Variants in FANCB observed in about 807,000 individuals in gnomAD.
The protein encoded by FANCB is FA complementation group B.
A neutral mutation model predicts 38.9 loss-of-function variants in FANCB; 5 were observed. The observed-to-expected ratio is 0.13, with a 90% CI of 0.07 to 0.27. FANCB has a LOEUF of 0.27. FANCB is among the 10% of genes least tolerant of loss of function. FANCB has a pLI of 1.00. For missense variants in FANCB, 573 were observed against 602.7 expected (o/e 0.95, Z 0.52); for synonymous variants, 236 against 215.4 (o/e 1.10, Z -0.84).
chrX:14,770,353 G>T, the FANCB span, among the ~76,000 whole-genome samples: 10 of 112,077 alleles, frequency 8.9e-5, no homozygotes, highest in African/African-American at 3.2e-4. Context: ...ATTTAGGATA[G>T]TTAGCTCTTC....
the FANCB span, chrX:14,690,808 G>A: frequency 1.7e-6 from 2 of 1,203,567 alleles, no homozygotes; most frequent in African/African-American, 3.5e-5. Flanking sequence ...TCGTCTCCAG[G>A]CAACACAAGG....
the FANCB span, among the ~76,000 whole-genome samples, chrX:14,806,993 T>C: frequency 0.027 from 3,057 of 111,512 alleles, 98 homozygotes; most frequent in African/African-American, 0.094. Context: ...TGATTCAAAC[T>C]AGGAGAAAGA....
chrX:14,818,233 GT>G, the FANCB span, among the ~76,000 whole-genome samples: 1 of 109,818 alleles, frequency 9.1e-6, no homozygotes, highest in Non-Finnish European at 1.9e-5. Context: ...AGTAGGGAGA[GT>G]GGTGCCCTGG....
chrX:14,784,810 A>G, the FANCB span, among the ~76,000 whole-genome samples: 1 of 112,542 alleles, frequency 8.9e-6, no homozygotes, highest in Non-Finnish European at 1.9e-5. Context: ...TGGTACATAT[A>G]TACCATGGAA....
the FANCB span, among the ~76,000 whole-genome samples, chrX:14,716,706 GCA>G: frequency 1.8e-5 from 2 of 111,660 alleles, no homozygotes; most frequent in Non-Finnish European, 3.8e-5. Context: ...CCTCTGGTGA[GCA>G]AAGATAATAG....
chrX:14,826,868 T>C, the FANCB span, among the ~76,000 whole-genome samples: 2 of 111,959 alleles, frequency 1.8e-5, no homozygotes, highest in Non-Finnish European at 3.8e-5. Context: ...GTAAGAAAAT[T>C]ATCCCTTGCT....
the FANCB span, among the ~76,000 whole-genome samples, chrX:14,692,038 T>A: frequency 8.9e-6 from 1 of 111,941 alleles, no homozygotes; most frequent in Non-Finnish European, 1.9e-5. Context: ...TTGTGAGACA[T>A]TGCTTATATT....
intron 7 of FANCB, among the ~76,000 whole-genome samples, chrX:14,848,870 T>C (rs2092388580): frequency 9.0e-6 from 1 of 110,830 alleles, no homozygotes; most frequent in Non-Finnish European, 1.9e-5. Flanking sequence ...TGCTGGTATA[T>C]CCAGTGCATT....
chrX:14,770,657 T>C, the FANCB span, among the ~76,000 whole-genome samples: 14 of 112,095 alleles, frequency 1.2e-4, no homozygotes, highest in African/African-American at 3.9e-4. Context: ...TTGTTATGTA[T>C]GAATTTGATC....
chrX:14,806,592 T>G, the FANCB span, among the ~76,000 whole-genome samples: 353 of 111,485 alleles, frequency 3.2e-3, 2 homozygotes, highest in Middle Eastern at 0.028. Flanking sequence ...ACAGACATGT[T>G]AGCCAGGGTG....
At chrX:14,690,809 C>A in the FANCB span, 1 of 1,205,229 alleles carries the variant, frequency 8.3e-7, no homozygotes, top group Non-Finnish European at 1.1e-6. Context: ...CGTCTCCAGG[C>A]AACACAAGGA....
chrX:14,848,100 GACT>G (rs1435310752), intron 7 of FANCB, among the ~76,000 whole-genome samples: 1 of 111,856 alleles, frequency 8.9e-6, no homozygotes, highest in Non-Finnish European at 1.9e-5. Flanking sequence ...CATTCCAGGC[GACT>G]ACAACCAAAT....
At chrX:14,786,122 C>T in the FANCB span, among the ~76,000 whole-genome samples, 2 of 111,246 alleles carry the variant, frequency 1.8e-5, no homozygotes, top group African/African-American at 6.5e-5. Context: ...GGGGCTGGGC[C>T]TTTATACTCC....
chrX:14,721,478 T>G, the FANCB span, among the ~76,000 whole-genome samples: 1 of 111,450 alleles, frequency 9.0e-6, no homozygotes, highest in Non-Finnish European at 1.9e-5. Context: ...AGGCTCCCTG[T>G]GAGTATGCTG....
At chrX:14,780,530 T>A in the FANCB span, among the ~76,000 whole-genome samples, 4 of 111,080 alleles carry the variant, frequency 3.6e-5, no homozygotes, top group Non-Finnish European at 7.5e-5. Flanking sequence ...TAGAGTTCAG[T>A]CTATACTTGA....
the FANCB span, among the ~76,000 whole-genome samples, chrX:14,696,441 G>A: frequency 2.7e-5 from 3 of 111,737 alleles, no homozygotes; most frequent in South Asian, 1.1e-3. Context: ...ACTAAGGTTG[G>A]GTTGAGAAAA....
chrX:14,858,812 T>C (rs935260908), intron 4 of FANCB, among the ~76,000 whole-genome samples: 12 of 112,006 alleles, frequency 1.1e-4, no homozygotes, highest in African/African-American at 3.9e-4. Flanking sequence ...CAAGATATTG[T>C]GAGCTGTTAC....
the FANCB span, chrX:14,690,691 G>GTC: frequency 8.2e-5 from 76 of 923,957 alleles, no homozygotes; most frequent in African/African-American, 2.2e-4. Flanking sequence ...GTGTGTGTGT[G>GTC]TCTCTCTCTC....
chrX:14,809,960 G>A, the FANCB span, among the ~76,000 whole-genome samples: 2 of 111,803 alleles, frequency 1.8e-5, no homozygotes, highest in African/African-American at 3.2e-5. Flanking sequence ...CACCTCACAC[G>A]GCCGGGTACC....
Sources: allele counts gnomAD v4.1 joint callset (sites outside exome capture counted in the v4.1 genomes callset), GRCh38; gene constraint gnomAD v4.1.1; transcripts MANE v1.5; gene names NCBI Gene and HGNC (gene_info 2026-07-23, HGNC 2026-07-21).